The following MTG2 variants were observed in gnomAD, a reference collection of about 807,000 sequenced individuals.
MTG2 encodes mitochondrial ribosome associated GTPase 2.
In MTG2, 23 loss-of-function variants were observed where a neutral mutation model predicts 28.6. The observed-to-expected ratio is 0.80, with a 90% CI of 0.58 to 1.14. MTG2 has a LOEUF of 1.14. Among genes scored for constraint, MTG2 ranks in the 50% most tolerant of loss-of-function variants. The probability of loss-of-function intolerance (pLI) is 0.00; values close to 1 mark genes in which losing one functional copy is unlikely to be tolerated. For missense variants in MTG2, 539 were observed against 552.0 expected, an observed-to-expected ratio of 0.98 and a Z score of 0.24; for synonymous variants, 260 against 251.8, an observed-to-expected ratio of 1.03 and a Z score of -0.31.
chr20:62,201,309 C>A lies in MTG2; in HGVS notation c.*232C>A. The A allele has an allele frequency of 1.7e-6, 1 of 582,488 alleles. No homozygotes were observed. The allele number at this position is 582,488 out of a possible 1,614,324, so 36.1% of individuals were successfully genotyped here. ...CTGTCAGCCTGCACCGACTGATGAG[C>A]CAGTTGCTCATTTGTGCTGATTAAC... On this transcript the variant is annotated 3_prime_UTR_variant, in exon 7 of 7. Transcript: ENST00000370823.
At chr20:62,190,768 C>T (rs561095735) in intron 1 of MTG2, among the ~76,000 whole-genome samples, 8 of 152,346 alleles carry the variant, frequency 5.3e-5, no homozygotes, top group South Asian at 2.1e-4. Context: ...CGCACAGGCA[C>T]GGCTGCGGGG....
Position 62,201,105 on chromosome 20 carries a change from C to A in MTG2, c.*28C>A. The A allele has an allele frequency of 6.5e-7, 1 of 1,549,966 alleles. No homozygotes were observed. The highest frequency in any genetic ancestry group is 1.2e-5 in the South Asian group (1 of 83,754). On this transcript the variant is annotated 3_prime_UTR_variant, in exon 7 of 7. Coordinates refer to ENST00000370823, the MANE Select transcript of MTG2 (RefSeq NM_015666.4). The stretch of plus-strand genomic sequence containing the variant: ...ACGCCAGAGCGGGGTCGCCTCTGGG[C>A]CTCTGTCTGAGCAAACCTGGGTGTG...
At chr20:62,185,895 G>A (rs1011329745) in intron 1 of MTG2, among the ~76,000 whole-genome samples, 1 of 152,190 alleles carries the variant, frequency 6.6e-6, no homozygotes, top group African/African-American at 2.4e-5. Context: ...CATCCGGCAG[G>A]GGAGAGAGCA....
chr20:62,193,854 G>T, intron 2 of MTG2: 1 of 543,164 alleles, frequency 1.8e-6, no homozygotes, highest in Non-Finnish European at 3.3e-6. Context: ...TTGGAAAGCC[G>T]TGATACAGGC....
intron 6 of MTG2, among the ~76,000 whole-genome samples, chr20:62,199,472 C>T (rs796978075): frequency 6.6e-6 from 1 of 151,666 alleles, no homozygotes; most frequent in African/African-American, 2.4e-5. Context: ...GGTGAAACCC[C>T]GTCTCTACTA....
rs2058185941 is a variant in MTG2, at chr20:62,202,325, A to C, written c.*1248A>C. ...CCCTAAGAAAGAAAGTGGAGGGGACACTCCAGAGGCTGTCGTGGGAGGATC... is the reference window on the plus strand; with the variant it reads ...CCCTAAGAAAGAAAGTGGAGGGGACCCTCCAGAGGCTGTCGTGGGAGGATC... On this transcript the variant is annotated 3_prime_UTR_variant, in exon 7 of 7. Coordinates refer to ENST00000370823, the MANE Select transcript of MTG2 (RefSeq NM_015666.4). 6.6e-6 allele frequency: 1 copy of C among 152,292 alleles called. No individual in the cohort carries two copies. Among genetic ancestry groups the C allele is most frequent in the African/African-American group, 2.4e-5 (1 of 41,374 alleles). The allele number at this position is 152,292 out of a possible 1,614,324, so 9.4% of individuals were successfully genotyped here.
At chr20:62,189,355 G>C (rs999795336) in intron 1 of MTG2, among the ~76,000 whole-genome samples, 21 of 152,046 alleles carry the variant, frequency 1.4e-4, no homozygotes, top group African/African-American at 5.1e-4. Context: ...TATTGCTCAG[G>C]CTGGAGTGCG....
At position 62,193,545 on chromosome 20, in the gene MTG2, G is replaced by A; in HGVS notation, c.125G>A (p.Arg42Lys). The change falls in exon 2 of 7, where the codon AGG becomes AAG. Residue 42 changes from arginine (R) to lysine (K), a missense_variant. Arg to Lys is a conservative substitution (Grantham distance 26). Coordinates refer to ENST00000370823, the MANE Select transcript of MTG2 (RefSeq NM_015666.4). ...SRLLPQRASP[R>K]LLSVGRADLA... ...CTACTGCCACAGCGGGCTTCTCCCA[G>A]GCTGCTCTCGGTCGGCCGTGCGGAC... 1 of 1,614,158 alleles carries A rather than the reference G, an allele frequency of 6.2e-7. No homozygotes were observed. The highest frequency in any genetic ancestry group is 1.1e-5 in the South Asian group (1 of 91,078).
At chr20:62,187,301 T>G (rs2057868333) in intron 1 of MTG2, among the ~76,000 whole-genome samples, 1 of 152,208 alleles carries the variant, frequency 6.6e-6, no homozygotes, top group African/African-American at 2.4e-5. Context: ...AGGGGTATGG[T>G]CTATAATTTT....
intron 2 of MTG2, 196 bp downstream of exon 2, chr20:62,193,820 C>T (rs2058007772): frequency 1.7e-6 from 1 of 603,192 alleles, no homozygotes; most frequent in Non-Finnish European, 2.9e-6. Flanking sequence ...CAAATCCCAG[C>T]AGGCTGGGAG....
At chr20:62,195,605 C>T (rs2058043645) in intron 2 of MTG2, among the ~76,000 whole-genome samples, 197 bp from the exon 3 acceptor site, 1 of 152,180 alleles carries the variant, frequency 6.6e-6, no homozygotes, top group South Asian at 2.1e-4. Context: ...GGATTTACCT[C>T]AGTCTACAAA....
chr20:62,187,593 T>C (rs2145830358), intron 1 of MTG2, among the ~76,000 whole-genome samples: 1 of 152,372 alleles, frequency 6.6e-6, no homozygotes, highest in East Asian at 1.9e-4. Flanking sequence ...GTCCATTTCA[T>C]GTAAGTTGAA....
At position 62,199,174 on chromosome 20, in the gene MTG2, G is replaced by C; in HGVS notation, c.743G>C (p.Arg248Thr). 1 of 1,614,096 alleles carries C rather than the reference G, an allele frequency of 6.2e-7. No homozygotes were observed. The highest frequency in any genetic ancestry group is 1.1e-5 in the South Asian group (1 of 91,084). Residue 248 changes from arginine to threonine, a missense_variant, in exon 6 of 7, where the codon AGA becomes ACA. Transcript: ENST00000370823. ...SSLLRAISNARPAVASYPFTT... is the reference protein window; with the variant it reads ...SSLLRAISNATPAVASYPFTT... ...CTGCTCCGGGCCATTTCAAACGCCA[G>C]ACCCGCCGTGGCTTCCTACCCGTTC...
At chr20:62,198,036 GT>G in intron 4 of MTG2, 69 bp downstream of exon 4, 1 of 1,429,812 alleles carries the variant, frequency 7.0e-7, no homozygotes, top group Non-Finnish European at 9.8e-7. Flanking sequence ...GGGGGCCACC[GT>G]GTGACCCACG....
chr20:62,185,473 A>T (rs2057824186), intron 1 of MTG2, among the ~76,000 whole-genome samples: 1 of 152,048 alleles, frequency 6.6e-6, no homozygotes, highest in African/African-American at 2.4e-5. Context: ...ATACATGTAT[A>T]TGTATGTACA....
chr20:62,183,303 ACT>A (rs2057760856), intron 1 of MTG2, among the ~76,000 whole-genome samples: 2 of 151,656 alleles, frequency 1.3e-5, no homozygotes, highest in Admixed American at 1.3e-4. Context: ...GTCCTGCCCC[ACT>A]CTCTCCGCAG....
Position 62,193,600 on chromosome 20 carries a change from G to T in MTG2, c.180G>T (p.Lys60Asn). The T allele has an allele frequency of 6.2e-7, 1 of 1,612,702 alleles. No individual in the cohort carries two copies. The highest frequency in any genetic ancestry group is 8.5e-7 in the Non-Finnish European group (1 of 1,179,890). The change falls in exon 2 of 7, where the codon AAG (lysine) becomes AAT (asparagine). Residue 60 changes from lysine (K) to asparagine (N), a missense_variant. Transcript: ENST00000370823. ...DLAKHQELPG[K>N]KLLSEKKLKR... ...CCAAGCATCAGGAACTCCCGGGGAA[G>T]AAGCTGCTCTCTGAGAAAAAGCTGG...
rs2058206025 is a variant in MTG2 at position 62,203,371 on chromosome 20, C to T, written c.*2294C>T. 1 of 152,240 alleles carries T rather than the reference C, an allele frequency of 6.6e-6. No homozygotes were observed. The highest frequency in any genetic ancestry group is 2.4e-5 in the African/African-American group (1 of 41,456). The allele number at this position is 152,240 out of a possible 1,614,324, so 9.4% of individuals were successfully genotyped here. ...TGCTGCAAAAAGCCCCAAGACTTCT[C>T]CCTGCCACACACACAGCTTTTGCCA... On this transcript the variant is annotated 3_prime_UTR_variant, in exon 7 of 7. Coordinates refer to ENST00000370823, the MANE Select transcript of MTG2 (RefSeq NM_015666.4).
At chr20:62,192,431 G>T (rs2057978599) in intron 1 of MTG2, among the ~76,000 whole-genome samples, 1 of 152,230 alleles carries the variant, frequency 6.6e-6, no homozygotes, top group South Asian at 2.1e-4. Flanking sequence ...TGTGTGGCTG[G>T]CCTTACAGCA....
Sources: gnomAD v4.1 joint callset for allele counts (sites outside exome capture counted in the v4.1 genomes callset) on GRCh38, gnomAD v4.1.1 for gene constraint, MANE v1.5 for transcripts, NCBI Gene and HGNC (gene_info 2026-07-23, HGNC 2026-07-21) for gene names.